ZNF639: variants seen among roughly 807,000 people sequenced by gnomAD.
ZNF639 encodes the protein zinc finger protein 639, also known as zinc finger amplified in esophageal squamous cell carcinomas 1.
ZNF639 carries 20 observed loss-of-function variants against 39.8 expected under a neutral mutation model. The ratio of observed to expected loss-of-function variants is 0.50; its 90% CI spans 0.35 to 0.73. The LOEUF (loss-of-function observed/expected upper bound fraction) is 0.73, where lower values mean the gene tolerates loss of function less well. Ranked by LOEUF, ZNF639 falls within the 30% of genes least tolerant of loss-of-function variation. ZNF639 has a pLI of 0.00. For synonymous variants in ZNF639, 176 were observed against 189.8 expected, an observed-to-expected ratio of 0.93 and a Z score of 0.60; for missense variants, 477 against 566.2, an observed-to-expected ratio of 0.84 and a Z score of 1.60.
chr3:179,326,847 A>G (rs1560178694), intron 1 of ZNF639, among the ~76,000 whole-genome samples: 1 of 151,218 alleles, frequency 6.6e-6, no homozygotes, highest in Non-Finnish European at 1.5e-5. Context: ...GCTGGTCTCG[A>G]TCTTTTATTT....
chr3:179,337,165 G>A lies in ZNF639; in HGVS notation c.*2743G>A, dbSNP rs1369153053. The A allele has an allele frequency of 6.6e-6, 1 of 151,678 alleles. No homozygotes were observed. Among genetic ancestry groups the A allele is most frequent in the African/African-American group, 2.4e-5 (1 of 41,308 alleles). 9.4% of individuals were successfully genotyped at this position (151,678 alleles called of 1,614,324 possible). ...AGTCCCAGCTACTCGGGAGGCTGAG[G>A]CAGGAGAATGGCGTGAACCCGGGAG... On this transcript the variant is annotated 3_prime_UTR_variant, in exon 6 of 6. Coordinates refer to ENST00000496856, the MANE Select transcript of ZNF639 (RefSeq NM_001303426.2).
At chr3:179,332,951 T>C (rs774025897) in intron 4 of ZNF639, 38 bp from the exon 5 acceptor site, 1 of 1,512,180 alleles carries the variant, frequency 6.6e-7, no homozygotes, top group South Asian at 1.3e-5. Context: ...GCTTTGATTG[T>C]ATAAATAATA....
Position 179,334,472 on chromosome 3 carries a change from T to C in ZNF639, c.*50T>C, listed in dbSNP as rs1728107796. On this transcript the variant is annotated 3_prime_UTR_variant, in exon 6 of 6. Transcript: ENST00000496856. The stretch of plus-strand genomic sequence containing the variant: ...TTAGTTTAAAATAATAAATTCATCC[T>C]TTTTTTGGAGATGATTAAATGGATG... The C allele has an allele frequency of 2.2e-6, 3 of 1,368,454 alleles. No individual in the cohort carries two copies. Among genetic ancestry groups the C allele is most frequent in the Admixed American group, 2.7e-5 (1 of 36,438 alleles). 84.8% of individuals were successfully genotyped at this position (1,368,454 alleles called of 1,614,324 possible).
At chr3:179,323,336 C>T (rs1299032108) in intron 1 of ZNF639, 45 bp downstream of exon 1, 6 of 985,666 alleles carry the variant, frequency 6.1e-6, no homozygotes, top group Non-Finnish European at 7.2e-6. Context: ...TGGACTGCTC[C>T]AGGGGACGCG....
Position 179,334,571 on chromosome 3 carries a change from T to TC in ZNF639, c.*151dup, listed in dbSNP as rs777800258. 55 of 507,408 alleles carry TC rather than the reference T, an allele frequency of 1.1e-4. No individual in the cohort carries two copies. The highest frequency in any genetic ancestry group is 1.8e-4 in the Non-Finnish European group (54 of 306,618). 31.4% of individuals were successfully genotyped at this position (507,408 alleles called of 1,614,324 possible). A position where few individuals can be genotyped will look rare whatever the true frequency, so the allele number is the denominator to read the frequency against. ...AATTATAAAATTTTATTGGCATTGC[T>TC]CCATTTTCTGTATATAAATATATCT... On this transcript the variant is annotated 3_prime_UTR_variant, in exon 6 of 6. Coordinates refer to ENST00000496856, the MANE Select transcript of ZNF639 (RefSeq NM_001303426.2).
Position 179,333,362 on chromosome 3 carries a change from A to T in ZNF639, c.398A>T (p.His133Leu). 6.2e-7 allele frequency: 1 copy of T among 1,614,122 alleles called. No homozygotes were observed. The highest frequency in any genetic ancestry group is 8.5e-7 in the Non-Finnish European group (1 of 1,180,000). The change falls in exon 6 of 6, where the codon CAC becomes CTC. Residue 133 changes from histidine (H) to leucine (L), a missense_variant. His to Leu is a moderately conservative substitution (Grantham distance 99). Transcript: ENST00000496856. ...CAAGAGGAGAGTCCTATAGAAGTTC[A>T]CACTGCTGAAGATGTTCCAATTGCT... ...QTQEESPIEV[H>L]TAEDVPIAVE...
In ZNF639 at chr3:179,330,574, C is replaced by T. The variant is rs535170216; in HGVS notation, c.169+846C>T. 9.2e-5 allele frequency among the ~76,000 whole-genome samples: 14 copies of T among 152,346 alleles called. No homozygotes were observed. The South Asian group carries it at 2.7e-3, about 29-fold the overall frequency. On this transcript the variant is annotated intron_variant, in intron 4 of 5. Coordinates refer to ENST00000496856, the MANE Select transcript of ZNF639 (RefSeq NM_001303426.2). ...GTGCTGAGATTGCAGGTGTGAGCCA[C>T]GGCTCTCAGCCCTAAATCCACTTTA...
At chr3:179,325,362 C>T (rs1471701867) in intron 1 of ZNF639, 4 of 152,198 alleles carry the variant, frequency 2.6e-5, no homozygotes, top group East Asian at 3.9e-4. Flanking sequence ...CTGTACATTT[C>T]ATGGTTGTCT....
chr3:179,330,029 T>C (rs62410445), intron 4 of ZNF639: 62,333 of 193,264 alleles, frequency 0.32, 10,542 homozygotes, highest in Admixed American at 0.4. Flanking sequence ...TCTCCTGCCT[T>C]AGCTTCCTGA....
intron 1 of ZNF639, among the ~76,000 whole-genome samples, chr3:179,325,787 A>G (rs946443645): frequency 5.9e-5 from 9 of 152,006 alleles, no homozygotes; most frequent in Admixed American, 3.3e-4. Flanking sequence ...AGGCTGAGGC[A>G]GGAGAATGGC....
rs781295308 is a variant in ZNF639, at chr3:179,329,753, T to C, written c.169+25T>C. On this transcript the variant is annotated intron_variant, in intron 4 of 5. Transcript: ENST00000496856. ...GGTATATCTAATATTTTCGAAAATA[T>C]GTTTCTTTAAACTGCTTTTACATTT... is the stretch of plus-strand genomic sequence containing the variant. The C allele has an allele frequency of 2.6e-5, 35 of 1,323,680 alleles. No homozygotes were observed. The East Asian group carries it at 7.9e-4, about 30-fold the overall frequency. 82.0% of individuals were successfully genotyped at this position (1,323,680 alleles called of 1,614,324 possible).
rs14182 is a variant in ZNF639 at position 179,334,554 on chromosome 3, A to G, written c.*132A>G. ...AACAAGTAACTTTTTTAAATTATAA[A>G]ATTTTATTGGCATTGCTCCATTTTC... is the stretch of plus-strand genomic sequence containing the variant. On this transcript the variant is annotated 3_prime_UTR_variant, in exon 6 of 6. Coordinates refer to ENST00000496856, the MANE Select transcript of ZNF639 (RefSeq NM_001303426.2). 3.8e-3 allele frequency: 2,232 copies of G among 592,746 alleles called. 35 individuals are homozygous for G. The highest frequency in any genetic ancestry group is 0.037 in the African/African-American group (1,919 of 51,714). The allele number at this position is 592,746 out of a possible 1,614,324, so 36.7% of individuals were successfully genotyped here.
intron 4 of ZNF639, among the ~76,000 whole-genome samples, chr3:179,332,117 A>C (rs1727951597): frequency 6.6e-6 from 1 of 152,226 alleles, no homozygotes; most frequent in Admixed American, 6.5e-5. Context: ...CAGAAAAGGG[A>C]CATTAGGTTA....
At chr3:179,331,759 G>A (rs1018779605) in intron 4 of ZNF639, among the ~76,000 whole-genome samples, 3 of 118,788 alleles carry the variant, frequency 2.5e-5, no homozygotes, top group African/African-American at 9.7e-5. Flanking sequence ...TGGGCAACAA[G>A]AGCGAAACTC....
At chr3:179,324,573 G>T (rs1727477797) in intron 1 of ZNF639, among the ~76,000 whole-genome samples, 1 of 152,148 alleles carries the variant, frequency 6.6e-6, no homozygotes. Context: ...ATGAAGGATG[G>T]TTAGCATTTT....
intron 5 of ZNF639, 44 bp from the exon 6 acceptor site, chr3:179,333,225 C>T: frequency 6.4e-7 from 1 of 1,558,928 alleles, no homozygotes; most frequent in Non-Finnish European, 8.6e-7. Context: ...TTTAACAGAT[C>T]TTATTTAGTT....
rs918416444 is a variant in ZNF639, at chr3:179,334,611, T to G, written c.*189T>G. 18 of 364,204 alleles carry G rather than the reference T, an allele frequency of 4.9e-5. No homozygotes were observed. Among genetic ancestry groups the G allele is most frequent in the Non-Finnish European group, 8.2e-5 (17 of 207,264 alleles). The allele number at this position is 364,204 out of a possible 1,614,324, so 22.6% of individuals were successfully genotyped here. On this transcript the variant is annotated 3_prime_UTR_variant, in exon 6 of 6. Coordinates refer to ENST00000496856, the MANE Select transcript of ZNF639 (RefSeq NM_001303426.2). Reference sequence around the variant, plus strand: ...TAAATATATCTTTAATGTGGTATTTTCAATTGCGTGATAGTTTGTAGTTTC... The same window carrying G: ...TAAATATATCTTTAATGTGGTATTTGCAATTGCGTGATAGTTTGTAGTTTC...
rs1279659017 is a variant in ZNF639 at position 179,333,997 on chromosome 3, AT to A, written c.1034del (p.Ile345LysfsTer3). On this transcript the variant is annotated frameshift_variant, in exon 6 of 6. Coordinates refer to ENST00000496856, the MANE Select transcript of ZNF639 (RefSeq NM_001303426.2). LOFTEE classifies it high-confidence loss of function. ...GGTAAATGAGCATGCATGTAAATTA[AT>A]AGAGTTAAGTGATAAGTATAACAAT... ...HVVNEHACKL[I>X]ELSDKYNNGE... is the part of the protein sequence containing the mutation. 3 of 1,614,074 alleles carry A rather than the reference AT, an allele frequency of 1.9e-6. No individual in the cohort carries two copies. The highest frequency in any genetic ancestry group is 2.5e-6 in the Non-Finnish European group (3 of 1,180,044).
In ZNF639 at chr3:179,323,112, C is replaced by G; in HGVS notation, c.-262C>G. On this transcript the variant is annotated 5_prime_UTR_variant, in exon 1 of 6. Coordinates refer to ENST00000496856, the MANE Select transcript of ZNF639 (RefSeq NM_001303426.2). Reference sequence around the variant, plus strand: ...TAGGCCAGGGGCCTGGCGCTCAGGGCGTGGGGCGCGCGGGGAGGGAGAGGG... The same window carrying G: ...TAGGCCAGGGGCCTGGCGCTCAGGGGGTGGGGCGCGCGGGGAGGGAGAGGG... 1 of 984,688 alleles carries G rather than the reference C, an allele frequency of 1.0e-6. No individual in the cohort carries two copies. The highest frequency in any genetic ancestry group is 1.7e-5 in the African/African-American group (1 of 57,208). The allele number at this position is 984,688 out of a possible 1,614,324, so 61.0% of individuals were successfully genotyped here. A position where few individuals can be genotyped will look rare whatever the true frequency, so the allele number is the denominator to read the frequency against.
Sources: gnomAD v4.1 joint callset for allele counts (sites outside exome capture counted in the v4.1 genomes callset) on GRCh38, gnomAD v4.1.1 for gene constraint, MANE v1.5 for transcripts, NCBI Gene and HGNC (gene_info 2026-07-23, HGNC 2026-07-21) for gene names.